Variants in TSHZ1 observed in about 807,000 individuals in gnomAD.
TSHZ1 encodes the protein teashirt homolog 1.
In TSHZ1, 12 loss-of-function variants were observed where a neutral mutation model predicts 67.1. The observed-to-expected ratio is 0.18, with a 90% CI of 0.11 to 0.29. The LOEUF (loss-of-function observed/expected upper bound fraction) is 0.29. Among genes scored for constraint, TSHZ1 ranks in the 10% least tolerant of loss-of-function variants. The pLI, the probability that TSHZ1 is intolerant of heterozygous loss-of-function variation, is 1.00. For missense variants in TSHZ1, 1,305 were observed against 1,413.9 expected, an observed-to-expected ratio of 0.92 and a Z score of 1.23; for synonymous variants, 632 against 622.4, an observed-to-expected ratio of 1.02 and a Z score of -0.23.
chr18:75,217,567 GA>G (rs904444613), intron 1 of TSHZ1, among the ~76,000 whole-genome samples: 2 of 152,176 alleles, frequency 1.3e-5, no homozygotes, highest in Non-Finnish European at 2.9e-5. Context: ...TCCTTTTTAA[GA>G]AAACAATGAA....
At chr18:75,275,414 G>A (rs773701245) in intron 1 of TSHZ1, among the ~76,000 whole-genome samples, 1 of 152,208 alleles carries the variant, frequency 6.6e-6, no homozygotes, top group Non-Finnish European at 1.5e-5. Context: ...TAGATTTGGC[G>A]ACGTTTGTTT....
intron 1 of TSHZ1, among the ~76,000 whole-genome samples, chr18:75,232,444 G>C (rs1393167237): frequency 1.3e-5 from 2 of 152,188 alleles, no homozygotes; most frequent in African/African-American, 4.8e-5. Context: ...TGTTTTGCAT[G>C]TATTTTGGAA....
intron 1 of TSHZ1, among the ~76,000 whole-genome samples, chr18:75,263,504 A>G (rs985012607): frequency 6.6e-6 from 1 of 152,208 alleles, no homozygotes; most frequent in African/African-American, 2.4e-5. Flanking sequence ...TAGCATTCCT[A>G]ACTCTTAACA....
chr18:75,234,530 G>A (rs2023041903), intron 1 of TSHZ1, among the ~76,000 whole-genome samples: 1 of 152,128 alleles, frequency 6.6e-6, no homozygotes. Context: ...TGGGATAGTG[G>A]CGATGCTCTG....
intron 1 of TSHZ1, among the ~76,000 whole-genome samples, chr18:75,275,682 C>T (rs1003976938): frequency 3.3e-5 from 5 of 152,138 alleles, no homozygotes; most frequent in Non-Finnish European, 7.3e-5. Flanking sequence ...CCGGAGTCAT[C>T]AGACTGCTTC....
chr18:75,253,084 T>C (rs142745965), intron 1 of TSHZ1, among the ~76,000 whole-genome samples: 3,246 of 152,350 alleles, frequency 0.021, 59 homozygotes, highest in Middle Eastern at 0.068. Flanking sequence ...TCAAATCTTA[T>C]TTGCTACTAT....
intron 1 of TSHZ1, among the ~76,000 whole-genome samples, chr18:75,224,391 C>A (rs192696457): frequency 7.2e-5 from 11 of 152,300 alleles, no homozygotes; most frequent in African/African-American, 1.9e-4. Flanking sequence ...TTTTATAAAT[C>A]CCTTTCTGAT....
rs2023797314 is a variant in TSHZ1, at chr18:75,287,657, G to T, written c.2250G>T (p.Gln750His). 6.2e-7 allele frequency: 1 copy of T among 1,614,206 alleles called. No individual in the cohort carries two copies. The highest frequency in any genetic ancestry group is 8.5e-7 in the Non-Finnish European group (1 of 1,180,050). ...TCATCAACCCGCTGAGCGCTTTGCA[G>T]TCCATCATGAACACCCACCTGGGCA... ...PSFINPLSALQSIMNTHLGKV... is the reference protein window; with the variant it reads ...PSFINPLSALHSIMNTHLGKV... The change falls in exon 2 of 2, where the codon CAG becomes CAT. Residue 750 changes from glutamine to histidine, a missense_variant. Around this residue, in one of 3 missense-constraint regions of TSHZ1, gnomAD observed 909 missense variants for 961.8 expected, o/e 0.95. Coordinates refer to ENST00000580243, the MANE Select transcript of TSHZ1 (RefSeq NM_001308210.2). This position sits in a 1 kb window ranked among gnomAD's most constrained non-coding sequence, Gnocchi z 5.0.
intron 1 of TSHZ1, among the ~76,000 whole-genome samples, chr18:75,242,747 T>G (rs547881308): frequency 6.6e-6 from 1 of 152,224 alleles, no homozygotes; most frequent in African/African-American, 2.4e-5. Context: ...TGACTTAAAG[T>G]GAGAGAGGGT....
At chr18:75,241,799 T>A (rs1214932570) in intron 1 of TSHZ1, among the ~76,000 whole-genome samples, 2 of 151,690 alleles carry the variant, frequency 1.3e-5, no homozygotes, top group African/African-American at 4.8e-5. Context: ...AGGAGAATCC[T>A]TCCTCCCCTC....
At chr18:75,237,873 C>T (rs780223921) in intron 1 of TSHZ1, among the ~76,000 whole-genome samples, 13 of 151,924 alleles carry the variant, frequency 8.6e-5, no homozygotes, top group Admixed American at 4.6e-4. Flanking sequence ...AGTGCAGTGG[C>T]GTGATCTCGC....
rs755669818 is a variant in TSHZ1 at position 75,285,831 on chromosome 18, A to C, written c.424A>C (p.Thr142Pro). The C allele has an allele frequency of 6.2e-7, 1 of 1,613,810 alleles. No homozygotes were observed. The highest frequency in any genetic ancestry group is 8.5e-7 in the Non-Finnish European group (1 of 1,179,962). The change falls in exon 2 of 2, where the codon ACC (threonine) becomes CCC (proline). Residue 142 changes from threonine (T) to proline (P), a missense_variant. Transcript: ENST00000580243. ...TCTGGATTTAAAGAAGTCGGGTTCCACCACCAGCACCAACGATGCCAGCCA... is the reference window on the plus strand; with the variant it reads ...TCTGGATTTAAAGAAGTCGGGTTCCCCCACCAGCACCAACGATGCCAGCCA... ...LALDLKKSGS[T>P]TSTNDASQKE...
chr18:75,231,724 A>G (rs534462667), intron 1 of TSHZ1, among the ~76,000 whole-genome samples: 1 of 151,998 alleles, frequency 6.6e-6, no homozygotes, highest in Admixed American at 6.5e-5. Context: ...TAGTAGAGAC[A>G]GGGTTTCACC....
intron 1 of TSHZ1, among the ~76,000 whole-genome samples, chr18:75,222,656 G>A (rs2022862914): frequency 6.6e-6 from 1 of 152,062 alleles, no homozygotes; most frequent in Non-Finnish European, 1.5e-5. Context: ...TCTAAATTAT[G>A]CAAAATGAGA....
intron 1 of TSHZ1, among the ~76,000 whole-genome samples, chr18:75,237,374 T>C (rs1288929336): frequency 6.6e-6 from 1 of 151,900 alleles, no homozygotes; most frequent in East Asian, 1.9e-4. Flanking sequence ...ATGCAAAAAT[T>C]AGCCGGATGT....
intron 1 of TSHZ1, among the ~76,000 whole-genome samples, chr18:75,230,948 A>G (rs1414912123): frequency 6.6e-6 from 1 of 152,218 alleles, no homozygotes; most frequent in Non-Finnish European, 1.5e-5. Flanking sequence ...TTGATTTATA[A>G]TATTTAAATA....
chr18:75,264,683 G>A (rs1221805319), intron 1 of TSHZ1, among the ~76,000 whole-genome samples: 8 of 152,108 alleles, frequency 5.3e-5, no homozygotes, highest in African/African-American at 1.2e-4. Context: ...CAGCTACTGC[G>A]TTCAAGGGAA....
intron 1 of TSHZ1, among the ~76,000 whole-genome samples, chr18:75,246,044 C>G (rs2023217679): frequency 6.6e-6 from 1 of 152,228 alleles, no homozygotes. Context: ...CACCGCCCTT[C>G]CAGGCACGTC....
At chr18:75,221,935 A>G (rs1345924992) in intron 1 of TSHZ1, among the ~76,000 whole-genome samples, 2 of 152,090 alleles carry the variant, frequency 1.3e-5, no homozygotes, top group Non-Finnish European at 1.5e-5. Context: ...AGATTAATAT[A>G]TATGTATATA....
Sources: allele counts gnomAD v4.1 joint callset (sites outside exome capture counted in the v4.1 genomes callset), GRCh38; gene constraint gnomAD v4.1.1; regional missense constraint gnomAD v4.1.1; non-coding constraint Gnocchi (gnomAD v3.1); transcripts MANE v1.5; gene names NCBI Gene and HGNC (gene_info 2026-07-23, HGNC 2026-07-21).